Variants in RBPMS observed in about 807,000 individuals in gnomAD.
RBPMS encodes the protein RNA binding protein, mRNA processing factor, also known as RNA-binding protein with multiple splicing.
RBPMS carries 7 observed loss-of-function variants against 26.8 expected under a neutral mutation model. That is an observed-to-expected ratio of 0.26 (90% CI 0.15 to 0.49). RBPMS has a LOEUF of 0.49. Ranked by LOEUF, RBPMS falls within the 20% of genes least tolerant of loss-of-function variation. The pLI, the probability that RBPMS is intolerant of heterozygous loss-of-function variation, is 0.98. For synonymous variants in RBPMS, 96 were observed against 93.3 expected, an observed-to-expected ratio of 1.03 and a Z score of -0.17; for missense variants, 186 against 250.0, an observed-to-expected ratio of 0.74 and a Z score of 1.73.
At position 30,411,150 on chromosome 8, in the gene RBPMS, G is replaced by A. The variant is rs75928949; in HGVS notation, c.66+25992G>A. On this transcript the variant is annotated intron_variant, in intron 1 of 8. Transcript: ENST00000397323. Reference sequence around the variant, plus strand: ...AATCACAGTTGCTGAGTTTATTCATGAAGGTGAAAGTGTCCCTTTGGCGAA... The same window carrying A: ...AATCACAGTTGCTGAGTTTATTCATAAAGGTGAAAGTGTCCCTTTGGCGAA... 4.9e-4 allele frequency among the ~76,000 whole-genome samples: 75 copies of A among 152,302 alleles called. 1 individual carries two copies. The East Asian group carries it at 0.013, about 27-fold the overall frequency.
chr8:30,459,182 G>A (rs1175297801), intron 1 of RBPMS, among the ~76,000 whole-genome samples: 1 of 151,506 alleles, frequency 6.6e-6, no homozygotes, highest in Non-Finnish European at 1.5e-5. Context: ...GGCTGGTCTC[G>A]AACTCCTGAC....
At chr8:30,418,640 G>A (rs1288834468) in intron 1 of RBPMS, among the ~76,000 whole-genome samples, 5 of 152,008 alleles carry the variant, frequency 3.3e-5, no homozygotes, top group East Asian at 1.9e-4. Context: ...GTGCAGTGGC[G>A]TGATCTTGTC....
At chr8:30,556,326 A>G in intron 6 of RBPMS, 4 of 985,674 alleles carry the variant, frequency 4.1e-6, no homozygotes, top group Non-Finnish European at 4.8e-6. Flanking sequence ...CAGGCTGACG[A>G]GAGCCTGAAG....
chr8:30,483,058 A>C (rs1294502385), intron 4 of RBPMS, among the ~76,000 whole-genome samples: 2 of 152,206 alleles, frequency 1.3e-5, no homozygotes, highest in Non-Finnish European at 2.9e-5. Context: ...ATTTCCAGCA[A>C]CTGTGAGGAC....
chr8:30,556,871 C>A, intron 6 of RBPMS: 1 of 653,918 alleles, frequency 1.5e-6, no homozygotes, highest in Non-Finnish European at 1.9e-6. Context: ...CTTCCCTGCC[C>A]GCCCCTACCT....
intron 4 of RBPMS, among the ~76,000 whole-genome samples, chr8:30,493,592 C>A (rs1170594030): frequency 1.3e-5 from 2 of 152,106 alleles, no homozygotes; most frequent in African/African-American, 4.8e-5. Context: ...AGAGTACCAT[C>A]TGCACTCTGG....
At chr8:30,410,349 C>G (rs904311029) in intron 1 of RBPMS, among the ~76,000 whole-genome samples, 3 of 152,124 alleles carry the variant, frequency 2.0e-5, no homozygotes, top group Non-Finnish European at 4.4e-5. Context: ...GCTGGGACTA[C>G]AGGCACGTGC....
intron 1 of RBPMS, among the ~76,000 whole-genome samples, chr8:30,441,727 G>C (rs897293357): frequency 6.6e-6 from 1 of 152,152 alleles, no homozygotes; most frequent in African/African-American, 2.4e-5. Context: ...AATTAAAAAG[G>C]GGTAAAGGAA....
intron 5 of RBPMS, among the ~76,000 whole-genome samples, chr8:30,518,686 A>AATTTTTTT: frequency 1.2e-4 from 1 of 8,112 alleles, no homozygotes; most frequent in South Asian, 5.5e-3. Flanking sequence ...GCCAAGCATG[A>AATTTTTTT]CTTTTTTTTT....
rs539396574 is a variant in RBPMS, at chr8:30,560,392, G to A, written c.*7+1436G>A. Among the ~76,000 whole-genome samples, 200 of 152,206 alleles carry A rather than the reference G, an allele frequency of 1.3e-3. 2 individuals carry two copies. The highest frequency in any genetic ancestry group is 0.012 in the South Asian group (58 of 4,810). Reference sequence around the variant, plus strand: ...GATGAGTAATGGGCATGAGAGTGTCGGAAGCCCACAGACGATTCTCAGAGC... The same window carrying A: ...GATGAGTAATGGGCATGAGAGTGTCAGAAGCCCACAGACGATTCTCAGAGC... On this transcript the variant is annotated intron_variant, in intron 7 of 8. Transcript: ENST00000397323.
intron 4 of RBPMS, among the ~76,000 whole-genome samples, chr8:30,492,672 T>A (rs770925290): frequency 2.6e-5 from 4 of 152,166 alleles, no homozygotes; most frequent in Non-Finnish European, 5.9e-5. Context: ...AAGCTACTTT[T>A]AAAGTTGTTA....
chr8:30,527,578 T>A (rs1477161731), intron 5 of RBPMS, among the ~76,000 whole-genome samples: 1 of 152,174 alleles, frequency 6.6e-6, no homozygotes, highest in Non-Finnish European at 1.5e-5. Context: ...AGTCTTTTCA[T>A]AATTTACCAT....
At chr8:30,565,235 C>T (rs1213296070) in intron 7 of RBPMS, 1 of 152,178 alleles carries the variant, frequency 6.6e-6, no homozygotes, top group Non-Finnish European at 1.5e-5. Context: ...AGAGAGATGT[C>T]CTAGGAAGGT....
Position 30,474,784 on chromosome 8 carries a change from G to A in RBPMS, c.72G>A (p.Arg24=), listed in dbSNP as rs368733156. ...TCCTAAATTTATTTTTCCAGGTCCG[G>A]ACCCTATTTGTCAGTGGCCTTCCTC... ...SEANLQEEEV[R]TLFVSGLPLD... Residue 24 remains arginine (R), a synonymous_variant, in exon 2 of 9, where the codon CGG becomes CGA. Transcript: ENST00000397323. 1.9e-6 allele frequency: 3 copies of A among 1,608,954 alleles called. No individual in the cohort carries two copies. The highest frequency in any genetic ancestry group is 2.7e-5 in the African/African-American group (2 of 74,794).
At position 30,571,090 on chromosome 8, in the gene RBPMS, A is replaced by AG. The variant is rs1828233923; in HGVS notation, c.*568dup. 3 of 151,320 alleles carry AG rather than the reference A, an allele frequency of 2.0e-5. No homozygotes were observed. In the South Asian group the frequency reaches 6.2e-4, roughly 31 times the overall value. The allele number at this position is 151,320 out of a possible 1,614,324, so 9.4% of individuals were successfully genotyped here. On this transcript the variant is annotated 3_prime_UTR_variant, in exon 9 of 9. Transcript: ENST00000397323. The stretch of plus-strand genomic sequence containing the variant: ...AGAAATCTGTGCCTGGCCGGAGTCC[A>AG]GGGTAAATTAGTAGCATGGTGTTAG...
At chr8:30,519,341 C>T (rs948081544) in intron 5 of RBPMS, among the ~76,000 whole-genome samples, 2 of 152,134 alleles carry the variant, frequency 1.3e-5, no homozygotes, top group Non-Finnish European at 2.9e-5. Flanking sequence ...CTTTCTCCTC[C>T]TCCTCAGTTG....
At chr8:30,546,066 G>C (rs1055497936) in intron 6 of RBPMS, among the ~76,000 whole-genome samples, 1 of 152,146 alleles carries the variant, frequency 6.6e-6, no homozygotes, top group African/African-American at 2.4e-5. Flanking sequence ...GTAAACCTGT[G>C]GGTGTCTTCT....
chr8:30,481,279 T>A (rs1286806731), intron 4 of RBPMS, among the ~76,000 whole-genome samples: 1 of 152,060 alleles, frequency 6.6e-6, no homozygotes, highest in Non-Finnish European at 1.5e-5. Context: ...AGTTTTTTGC[T>A]TGTTTGTTTT....
intron 1 of RBPMS, among the ~76,000 whole-genome samples, chr8:30,434,998 ATC>A (rs1812305626): frequency 7.0e-6 from 1 of 142,338 alleles, no homozygotes; most frequent in Non-Finnish European, 1.5e-5. Flanking sequence ...CAAAGAAGAC[ATC>A]CATCCATCCA....
Sources: gnomAD v4.1 joint callset for allele counts (sites outside exome capture counted in the v4.1 genomes callset) on GRCh38, gnomAD v4.1.1 for gene constraint, MANE v1.5 for transcripts, NCBI Gene and HGNC (gene_info 2026-07-23, HGNC 2026-07-21) for gene names.